The following DSCAML1 variants were observed in gnomAD, a reference collection of about 807,000 sequenced individuals.
DSCAML1 encodes the protein cell adhesion molecule DSCAML1.
A neutral mutation model predicts 200.5 loss-of-function variants in DSCAML1; 38 were observed. That is an observed-to-expected ratio of 0.19 (90% confidence interval 0.15 to 0.25). DSCAML1 has a LOEUF of 0.25. DSCAML1 is among the 10% of genes least tolerant of loss of function. The pLI is 1.00. For missense variants in DSCAML1, 2,223 were observed against 2,858.8 expected (o/e 0.78, Z 5.07); for synonymous variants, 1,215 against 1,165.0 (o/e 1.04, Z -0.87).
At chr11:117,587,574 G>A (rs1460072967) in intron 3 of DSCAML1, among the ~76,000 whole-genome samples, 1 of 152,146 alleles carries the variant, frequency 6.6e-6, no homozygotes, top group East Asian at 1.9e-4. Flanking sequence ...AGATGAGTCG[G>A]GCCGATGTTG....
In DSCAML1 at chr11:117,428,727, G is replaced by A. The variant is rs568174442; in HGVS notation, c.5763C>T (p.Pro1921=). 8.4e-5 allele frequency: 136 copies of A among 1,613,118 alleles called. 1 individual carries two copies. The East Asian group carries it at 1.2e-3, about 14-fold the overall frequency. Reference sequence around the variant, plus strand: ...TGGAGGCCTCACGGGGTGGGACCACGGGGCAGGGCTCACGTCCATCTGCCT... The same window carrying A: ...TGGAGGCCTCACGGGGTGGGACCACAGGGCAGGGCTCACGTCCATCTGCCT... The part of the protein sequence containing the change: ...FRKADGREPC[P]VVPPREASIR... The change falls in exon 33 of 33, where the codon CCC becomes CCT. Residue 1921 remains proline (P), a synonymous_variant. Transcript: ENST00000651296.
chr11:117,764,291 G>A (rs2054854801), intron 3 of DSCAML1, among the ~76,000 whole-genome samples: 1 of 152,200 alleles, frequency 6.6e-6, no homozygotes, highest in South Asian at 2.1e-4. Flanking sequence ...AAAAAGATTA[G>A]TGTGTGCATG....
intron 29 of DSCAML1, among the ~76,000 whole-genome samples, chr11:117,432,773 A>ATT (rs61065938): frequency 0.013 from 1,767 of 138,554 alleles, 27 homozygotes; most frequent in African/African-American, 0.042. Context: ...ATGCCTGGCT[A>ATT]TTTTTTTTTT....
chr11:117,566,182 T>G (rs188288780), intron 3 of DSCAML1, among the ~76,000 whole-genome samples: 44 of 152,230 alleles, frequency 2.9e-4, no homozygotes, highest in Middle Eastern at 3.4e-3. Flanking sequence ...ACCTATAGAG[T>G]GACTTGTACA....
In DSCAML1 at chr11:117,767,698, C is replaced by T. The variant is rs75667934; in HGVS notation, c.511+9093G>A. On this transcript the variant is annotated intron_variant, in intron 3 of 32. Transcript: ENST00000651296. Reference sequence around the variant, plus strand: ...TAATTGCTGGGAGTTCCTAGGACAGCGCTCTGCCTGGAGTCACTGTTACAA... The same window carrying T: ...TAATTGCTGGGAGTTCCTAGGACAGTGCTCTGCCTGGAGTCACTGTTACAA... 8.8e-3 allele frequency among the ~76,000 whole-genome samples: 1,336 copies of T among 152,294 alleles called. 31 individuals are homozygous for T. In the East Asian group the frequency reaches 0.099, roughly 11 times the overall value.
At chr11:117,726,377 T>C (rs1174116976) in intron 3 of DSCAML1, among the ~76,000 whole-genome samples, 1 of 152,036 alleles carries the variant, frequency 6.6e-6, no homozygotes, top group African/African-American at 2.4e-5. Flanking sequence ...GGACATCACC[T>C]TGGGGCAATT....
chr11:117,568,710 G>A (rs2050797402), intron 3 of DSCAML1, among the ~76,000 whole-genome samples: 1 of 152,150 alleles, frequency 6.6e-6, no homozygotes, highest in Non-Finnish European at 1.5e-5. Flanking sequence ...ACTGCTCAAG[G>A]AAATAAAAGA....
chr11:117,436,284 C>T (rs1460141209), intron 26 of DSCAML1, among the ~76,000 whole-genome samples: 1 of 152,166 alleles, frequency 6.6e-6, no homozygotes, highest in Non-Finnish European at 1.5e-5. Flanking sequence ...TATCTGTTAA[C>T]CTGGGGCTCC....
At chr11:117,565,115 C>T (rs1167185322) in intron 3 of DSCAML1, among the ~76,000 whole-genome samples, 3 of 152,098 alleles carry the variant, frequency 2.0e-5, no homozygotes, top group African/African-American at 4.8e-5. Flanking sequence ...TGCTGCATCC[C>T]GCCCCTCCCC....
At chr11:117,742,555 C>A (rs943546892) in intron 3 of DSCAML1, among the ~76,000 whole-genome samples, 3 of 152,146 alleles carry the variant, frequency 2.0e-5, no homozygotes, top group African/African-American at 7.2e-5. Flanking sequence ...GGTGACTGGG[C>A]GGTGAGGAGC....
At chr11:117,730,799 C>A (rs545883247) in intron 3 of DSCAML1, among the ~76,000 whole-genome samples, 1 of 152,290 alleles carries the variant, frequency 6.6e-6, no homozygotes, top group Admixed American at 6.5e-5. Flanking sequence ...AGTGGAAATA[C>A]ACCTCATATC....
At chr11:117,708,883 G>A (rs1490045872) in intron 3 of DSCAML1, among the ~76,000 whole-genome samples, 1 of 152,202 alleles carries the variant, frequency 6.6e-6, no homozygotes, top group African/African-American at 2.4e-5. Flanking sequence ...ATTACATGCT[G>A]CCCATTAAAT....
intron 4 of DSCAML1, among the ~76,000 whole-genome samples, chr11:117,529,934 G>A (rs1191293549): frequency 1.3e-5 from 2 of 152,144 alleles, no homozygotes; most frequent in Non-Finnish European, 1.5e-5. Context: ...CTTGCAGATC[G>A]CCTTGTCACA....
intron 1 of DSCAML1, among the ~76,000 whole-genome samples, chr11:117,792,561 C>T (rs1326477582): frequency 6.6e-6 from 1 of 150,740 alleles, no homozygotes; most frequent in African/African-American, 2.4e-5. Context: ...TATCTTTCAT[C>T]TCTCTGAAGC....
chr11:117,585,496 C>T (rs1244544547), intron 3 of DSCAML1, among the ~76,000 whole-genome samples: 2 of 152,304 alleles, frequency 1.3e-5, no homozygotes, highest in East Asian at 3.9e-4. Flanking sequence ...ATCCGCCCAC[C>T]TCGGCCTCCG....
At chr11:117,813,545 T>C (rs1435315496) in intron 1 of DSCAML1, among the ~76,000 whole-genome samples, 2 of 152,250 alleles carry the variant, frequency 1.3e-5, no homozygotes, top group African/African-American at 2.4e-5. Context: ...AGGCACTCTC[T>C]AATTAAATGT....
chr11:117,769,135 TTA>T (rs1348051639), intron 3 of DSCAML1, among the ~76,000 whole-genome samples: 54 of 123,996 alleles, frequency 4.4e-4, no homozygotes, highest in African/African-American at 1.6e-3. Context: ...ATTATGTATA[TTA>T]TATATTATAT....
intron 1 of DSCAML1, among the ~76,000 whole-genome samples, chr11:117,811,271 AC>A (rs199965188): frequency 0.014 from 2,127 of 152,218 alleles, 49 homozygotes; most frequent in African/African-American, 0.049. Flanking sequence ...ACAGCCCTAG[AC>A]CCTAAAAGGT....
chr11:117,604,120 G>A (rs1156838006), intron 3 of DSCAML1, among the ~76,000 whole-genome samples: 1 of 152,166 alleles, frequency 6.6e-6, no homozygotes, highest in Non-Finnish European at 1.5e-5. Context: ...TGGAGCCTGA[G>A]CTCATTACCG....
Sources: allele counts gnomAD v4.1 joint callset (sites outside exome capture counted in the v4.1 genomes callset), GRCh38; gene constraint gnomAD v4.1.1; transcripts MANE v1.5; gene names NCBI Gene and HGNC (gene_info 2026-07-23, HGNC 2026-07-21).